Variants in SBF2 observed in about 807,000 individuals in gnomAD.
SBF2 encodes myotubularin-related protein 13.
A neutral mutation model predicts 225.2 loss-of-function variants in SBF2; 112 were observed. The ratio of observed to expected loss-of-function variants is 0.50; its 90% CI spans 0.43 to 0.58. The LOEUF is 0.58. Among genes scored for constraint, SBF2 ranks in the 20% least tolerant of loss-of-function variants. The pLI is 0.00. For synonymous variants in SBF2, 763 were observed against 773.3 expected, an observed-to-expected ratio of 0.99 and a Z score of 0.22; for missense variants, 1,996 against 2,206.2, an observed-to-expected ratio of 0.90 and a Z score of 1.91.
At chr11:9,810,917 T>G (rs1854142921) in intron 30 of SBF2, 1 of 152,196 alleles carries the variant, frequency 6.6e-6, no homozygotes, top group African/African-American at 2.4e-5. Context: ...CACACACATG[T>G]TCAGTGCTGT....
At chr11:10,104,006 C>A (rs953669710) in intron 2 of SBF2, among the ~76,000 whole-genome samples, 1 of 151,810 alleles carries the variant, frequency 6.6e-6, no homozygotes, top group African/African-American at 2.4e-5. Flanking sequence ...TCACTTGTGC[C>A]CAGGAGGTGG....
chr11:9,981,755 C>A (rs1590672316), intron 13 of SBF2, among the ~76,000 whole-genome samples: 1 of 152,038 alleles, frequency 6.6e-6, no homozygotes, highest in Non-Finnish European at 1.5e-5. Context: ...TATGTTAGAA[C>A]CACAAATTAA....
At chr11:10,218,617 G>A (rs1958223666) in intron 1 of SBF2, among the ~76,000 whole-genome samples, 1 of 152,100 alleles carries the variant, frequency 6.6e-6, no homozygotes, top group Non-Finnish European at 1.5e-5. Flanking sequence ...TCAAAAGCAA[G>A]TTAGTTACTT....
chr11:10,104,017 A>G (rs1952436369), intron 2 of SBF2, among the ~76,000 whole-genome samples: 1 of 151,212 alleles, frequency 6.6e-6, no homozygotes, highest in Admixed American at 6.6e-5. Context: ...CAGGAGGTGG[A>G]GGTTGCAGTG....
chr11:10,206,158 C>T (rs559791133), intron 1 of SBF2, among the ~76,000 whole-genome samples: 1 of 151,280 alleles, frequency 6.6e-6, no homozygotes, highest in Non-Finnish European at 1.5e-5. Flanking sequence ...GCCTGAGAGT[C>T]CCCTCCCCCA....
chr11:10,065,247 T>G (rs994297614), intron 2 of SBF2, among the ~76,000 whole-genome samples: 7 of 151,980 alleles, frequency 4.6e-5, no homozygotes, highest in South Asian at 4.2e-4. Context: ...CTATAAAAAT[T>G]TGTAGGATGC....
At chr11:9,822,258 CTT>C (rs1210806960) in intron 28 of SBF2, among the ~76,000 whole-genome samples, 8 of 129,396 alleles carry the variant, frequency 6.2e-5, no homozygotes, top group African/African-American at 5.6e-5. Flanking sequence ...TAACTAAACT[CTT>C]TTTTTTTTTT....
chr11:10,150,396 C>A (rs1955118621), intron 2 of SBF2, among the ~76,000 whole-genome samples: 1 of 152,054 alleles, frequency 6.6e-6, no homozygotes, highest in Non-Finnish European at 1.5e-5. Context: ...ACACTATTTT[C>A]ATTCCTGACC....
In SBF2 at chr11:10,231,726, G is replaced by A. The variant is rs573540842; in HGVS notation, c.56-37739C>T. ...GGTGTCAGTCCACCCCTACTGGGGG[G>A]TGCCTCCCAGTTAGGCTACTCAGGG... is the stretch of plus-strand genomic sequence containing the variant. On this transcript the variant is annotated intron_variant, in intron 1 of 39. Coordinates refer to ENST00000256190, the MANE Select transcript of SBF2 (RefSeq NM_030962.4). 3.8e-3 allele frequency among the ~76,000 whole-genome samples: 581 copies of A among 152,300 alleles called. 5 individuals are homozygous for A. Among genetic ancestry groups the A allele is most frequent in the South Asian group, 5.4e-3 (26 of 4,826 alleles).
At chr11:10,150,768 A>C (rs1955138429) in intron 2 of SBF2, among the ~76,000 whole-genome samples, 1 of 152,102 alleles carries the variant, frequency 6.6e-6, no homozygotes, top group Non-Finnish European at 1.5e-5. Flanking sequence ...ACTTCAAAGG[A>C]AAACATACTT....
At chr11:10,066,847 C>A (rs1565191743) in intron 2 of SBF2, among the ~76,000 whole-genome samples, 1 of 152,152 alleles carries the variant, frequency 6.6e-6, no homozygotes, top group East Asian at 1.9e-4. Context: ...GTGGACTCTA[C>A]AAAGAGTGTC....
chr11:10,146,854 G>T (rs558316019), intron 2 of SBF2, among the ~76,000 whole-genome samples: 76 of 151,980 alleles, frequency 5.0e-4, no homozygotes, highest in African/African-American at 1.7e-3. Context: ...CAACTCTAAG[G>T]AACTTAAATT....
intron 2 of SBF2, among the ~76,000 whole-genome samples, chr11:10,146,056 T>C (rs763663318): frequency 6.6e-6 from 1 of 152,106 alleles, no homozygotes; most frequent in Non-Finnish European, 1.5e-5. Context: ...TACAAAACAC[T>C]GCTCAAAGAA....
At chr11:10,265,494 G>T (rs1366749109) in intron 1 of SBF2, among the ~76,000 whole-genome samples, 4 of 950 alleles carry the variant, frequency 4.2e-3, no homozygotes, top group Non-Finnish European at 0.023. Flanking sequence ...TGCAGAAATC[G>T]GGGGGGGGGA....
intron 1 of SBF2, among the ~76,000 whole-genome samples, chr11:10,209,680 A>G (rs1009431083): frequency 1.3e-5 from 2 of 152,056 alleles, no homozygotes; most frequent in Non-Finnish European, 2.9e-5. Flanking sequence ...ATTTCTATAA[A>G]ATCTGTATCT....
chr11:10,263,405 G>T (rs1281039128), intron 1 of SBF2, among the ~76,000 whole-genome samples: 1 of 151,976 alleles, frequency 6.6e-6, no homozygotes, highest in Non-Finnish European at 1.5e-5. Flanking sequence ...TCTGTTTAGA[G>T]GGGTTGCCCT....
intron 2 of SBF2, among the ~76,000 whole-genome samples, chr11:10,065,272 G>A (rs1950587784): frequency 1.3e-5 from 2 of 152,160 alleles, no homozygotes; most frequent in South Asian, 4.1e-4. Flanking sequence ...AAAGTAGTAT[G>A]TAAGGGGAAA....
Position 9,976,571 on chromosome 11 carries a change from G to A in SBF2, c.1396-8026C>T, listed in dbSNP as rs188507909. On this transcript the variant is annotated intron_variant, in intron 13 of 39. Transcript: ENST00000256190. Reference sequence around the variant, plus strand: ...ATGTTTATGCCCGTGAATAGCCACTGTACTTCAGCCTGGGCAACAAAGCGA... The same window carrying A: ...ATGTTTATGCCCGTGAATAGCCACTATACTTCAGCCTGGGCAACAAAGCGA... Among the ~76,000 whole-genome samples, 694 of 152,114 alleles carry A rather than the reference G, an allele frequency of 4.6e-3. 3 individuals carry two copies. The highest frequency in any genetic ancestry group is 0.016 in the African/African-American group (659 of 41,490).
chr11:10,265,060 A>C (rs1036792976), intron 1 of SBF2, among the ~76,000 whole-genome samples: 1 of 152,128 alleles, frequency 6.6e-6, no homozygotes, highest in African/African-American at 2.4e-5. Flanking sequence ...ATGTGTCTTT[A>C]CAGCAGAATG....
Sources: gnomAD v4.1 joint callset for allele counts (sites outside exome capture counted in the v4.1 genomes callset) on GRCh38, gnomAD v4.1.1 for gene constraint, MANE v1.5 for transcripts, NCBI Gene and HGNC (gene_info 2026-07-23, HGNC 2026-07-21) for gene names.